PRPF8: variants seen among roughly 807,000 people sequenced by gnomAD.
PRPF8 encodes pre-mRNA-processing-splicing factor 8.
In PRPF8, 64 loss-of-function variants were observed where a neutral mutation model predicts 285.9. The ratio of observed to expected loss-of-function variants is 0.22; its 90% confidence interval spans 0.18 to 0.28. PRPF8 has a LOEUF of 0.28. PRPF8 is among the 10% of genes least tolerant of loss of function. The pLI is 1.00. For synonymous variants in PRPF8, 1,325 were observed against 1,118.2 expected (o/e 1.18, Z -3.69); for missense variants, 1,426 against 3,026.7 (o/e 0.47, Z 12.41).
chr17:1,653,015 G>C lies in PRPF8; in HGVS notation c.6369+527C>G. 4.5e-6 allele frequency: 1 copy of C among 219,994 alleles called. No homozygotes were observed. Among genetic ancestry groups the C allele is most frequent in the South Asian group, 6.6e-5 (1 of 15,110 alleles). 13.6% of individuals were successfully genotyped at this position (219,994 alleles called of 1,614,324 possible). On this transcript the variant is annotated intron_variant, in intron 39 of 42. Coordinates refer to ENST00000304992, the MANE Select transcript of PRPF8 (RefSeq NM_006445.4). This position sits in a 1 kb window ranked among gnomAD's most constrained non-coding sequence, Gnocchi z 4.9. ...GTGATGCAATCTTGGCTCACTGCAA[G>C]CTCCACCTCACCTCCCGGGTTCAAG...
At chr17:1,667,397 C>T (rs1912051726) in intron 24 of PRPF8, among the ~76,000 whole-genome samples, 1 of 151,998 alleles carries the variant, frequency 6.6e-6, no homozygotes, top group Admixed American at 6.6e-5. Flanking sequence ...AGCAGAAATT[C>T]CTGGGGGATA....
chr17:1,665,272 G>A (rs1911903351), intron 24 of PRPF8, among the ~76,000 whole-genome samples: 1 of 152,122 alleles, frequency 6.6e-6, no homozygotes, highest in Non-Finnish European at 1.5e-5. Flanking sequence ...AGGCACGGTG[G>A]CTCACCCCTG....
rs1471783012 is a variant in PRPF8, at chr17:1,684,764, AAC to A, written c.-12+14_-12+15del. On this transcript the variant is annotated intron_variant, in intron 1 of 42. Coordinates refer to ENST00000304992, the MANE Select transcript of PRPF8 (RefSeq NM_006445.4). ...CCACGCCTCCCGCAGCCCGGCCTTAAACGCCTGCCACGCACCCCACAGGCCCT... is the reference window on the plus strand; with the variant it reads ...CCACGCCTCCCGCAGCCCGGCCTTAAGCCTGCCACGCACCCCACAGGCCCT... 3 of 637,804 alleles carry A rather than the reference AAC, an allele frequency of 4.7e-6. No individual in the cohort carries two copies. Among genetic ancestry groups the A allele is most frequent in the Non-Finnish European group, 8.4e-6 (3 of 356,120 alleles). The allele number at this position is 637,804 out of a possible 1,614,324, so 39.5% of individuals were successfully genotyped here.
In PRPF8 at chr17:1,661,592, T is replaced by C. The variant is rs1279339161; in HGVS notation, c.4202+19A>G. Reference sequence around the variant, plus strand: ...CACTGCCCCTGCCCCAGGGTTGGCATGCCCTCCTAGGTGCCCACCTGTTCT... The same window carrying C: ...CACTGCCCCTGCCCCAGGGTTGGCACGCCCTCCTAGGTGCCCACCTGTTCT... On this transcript the variant is annotated intron_variant, in intron 26 of 42. Coordinates refer to ENST00000304992, the MANE Select transcript of PRPF8 (RefSeq NM_006445.4). The surrounding 1 kb of genome is among the most constrained non-coding windows in gnomAD (Gnocchi z 7.3). 44 of 1,612,514 alleles carry C rather than the reference T, an allele frequency of 2.7e-5. No homozygotes were observed. The highest frequency in any genetic ancestry group is 4.5e-5 in the East Asian group (2 of 44,886).
chr17:1,668,298 C>T (rs1402447372), intron 24 of PRPF8, among the ~76,000 whole-genome samples: 1 of 151,952 alleles, frequency 6.6e-6, no homozygotes, highest in South Asian at 2.1e-4. Flanking sequence ...AGGCCAATGG[C>T]CTCTTCTGCT....
chr17:1,673,932 T>G lies in PRPF8; in HGVS notation c.3300-40A>C. 1 of 1,606,522 alleles carries G rather than the reference T, an allele frequency of 6.2e-7. No homozygotes were observed. Among genetic ancestry groups the G allele is most frequent in the Non-Finnish European group, 8.5e-7 (1 of 1,179,838 alleles). ...GTACACTGCTGAGGCCCCAGTACAC[T>G]GAGATTTGGGACACCCACAAGTCCT... On this transcript the variant is annotated intron_variant, in intron 21 of 42. Coordinates refer to ENST00000304992, the MANE Select transcript of PRPF8 (RefSeq NM_006445.4). The surrounding 1 kb of genome is among the most constrained non-coding windows in gnomAD (Gnocchi z 5.5).
chr17:1,665,267 C>T (rs1224232214), intron 24 of PRPF8, among the ~76,000 whole-genome samples: 3 of 151,686 alleles, frequency 2.0e-5, no homozygotes, highest in East Asian at 1.9e-4. Context: ...TGGCCAGGCA[C>T]GGTGGCTCAC....
At chr17:1,669,489 CT>C (rs1326873748) in intron 24 of PRPF8, among the ~76,000 whole-genome samples, 2 of 152,172 alleles carry the variant, frequency 1.3e-5, no homozygotes, top group African/African-American at 4.8e-5. Context: ...TCAAAAACAC[CT>C]GCACTGACTT....
chr17:1,659,414 A>C lies in PRPF8; in HGVS notation c.5081T>G (p.Ile1694Ser), dbSNP rs768585160. The C allele has an allele frequency of 1.2e-6, 2 of 1,613,990 alleles. No individual in the cohort carries two copies. Among genetic ancestry groups the C allele is most frequent in the African/African-American group, 2.7e-5 (2 of 74,894 alleles). Residue 1694 changes from isoleucine to serine, a missense_variant, in exon 32 of 43, where the codon ATC (isoleucine) becomes AGC (serine). Ile to Ser is a moderately radical substitution (Grantham distance 142, BLOSUM62 -2). Around this residue, in one of 34 missense-constraint regions of PRPF8, gnomAD observed 74 missense variants for 161.8 expected, o/e 0.46. Coordinates refer to ENST00000304992, the MANE Select transcript of PRPF8 (RefSeq NM_006445.4). The surrounding 1 kb of genome is among the most constrained non-coding windows in gnomAD (Gnocchi z 5.1). The part of the protein sequence containing the change: ...FLDYTTDNMS[I>S]YPSPTGVLIA... Reference sequence around the variant, plus strand: ...GAGTACACCTGTGGGCGAAGGGTAGATACTCATGTTGTCGGTGGTGTAGTC... The same window carrying C: ...GAGTACACCTGTGGGCGAAGGGTAGCTACTCATGTTGTCGGTGGTGTAGTC...
In PRPF8 at chr17:1,677,547, A is replaced by G. The variant is rs1912670189; in HGVS notation, c.1984+18T>C. 1.2e-6 allele frequency: 2 copies of G among 1,614,062 alleles called. No homozygotes were observed. The highest frequency in any genetic ancestry group is 1.7e-6 in the Non-Finnish European group (2 of 1,179,994). ...GAAGCAATAACAGGAGAAGTTGGAC[A>G]CAGAGAAAACCACTCACCTTCAAAC... On this transcript the variant is annotated intron_variant, in intron 14 of 42. Coordinates refer to ENST00000304992, the MANE Select transcript of PRPF8 (RefSeq NM_006445.4).
chr17:1,659,454 G>A lies in PRPF8; in HGVS notation c.5041C>T (p.Arg1681Trp). Residue 1681 changes from arginine (R) to tryptophan (W), a missense_variant, in exon 32 of 43, where the codon CGG becomes TGG. Coordinates refer to ENST00000304992, the MANE Select transcript of PRPF8 (RefSeq NM_006445.4). This position sits in a 1 kb window ranked among gnomAD's most constrained non-coding sequence, Gnocchi z 5.1. ...GTGGTGTAGTCCAGGAACTTGGCCCGGGCGTAGCGCTCAATGTCGTGGGAA... is the reference window on the plus strand; with the variant it reads ...GTGGTGTAGTCCAGGAACTTGGCCCAGGCGTAGCGCTCAATGTCGTGGGAA... Reference protein sequence around the residue: ...YDSHDIERYARAKFLDYTTDN... With the variant: ...YDSHDIERYAWAKFLDYTTDN... 6.2e-7 allele frequency: 1 copy of A among 1,614,078 alleles called. No individual in the cohort carries two copies. Among genetic ancestry groups the A allele is most frequent in the Admixed American group, 1.7e-5 (1 of 59,996 alleles).
Position 1,679,170 on chromosome 17 carries a change from A to T in PRPF8, c.1446T>A (p.Phe482Leu). ...LFRSFKATKFFQSTKLDWVEV... is the reference protein window; with the variant it reads ...LFRSFKATKFLQSTKLDWVEV... ...CCACCCAGTCCAGCTTTGTGGACTG[A>T]AAGAATTTGGTGGCTTTGAAGGAGC... Residue 482 changes from phenylalanine (F) to leucine (L), a missense_variant, in exon 11 of 43, where the codon TTT (phenylalanine) becomes TTA (leucine). Transcript: ENST00000304992. This position sits in a 1 kb window ranked among gnomAD's most constrained non-coding sequence, Gnocchi z 4.7. 6.2e-7 allele frequency: 1 copy of T among 1,614,216 alleles called. No homozygotes were observed. The highest frequency in any genetic ancestry group is 8.5e-7 in the Non-Finnish European group (1 of 1,180,026).
At chr17:1,672,913 G>A (rs1011080707) in intron 24 of PRPF8, 168 bp downstream of exon 24, 31 of 698,806 alleles carry the variant, frequency 4.4e-5, no homozygotes, top group Non-Finnish European at 7.3e-5. Flanking sequence ...AGAAAATAAC[G>A]ATGAAGTGAC....
At chr17:1,677,299 C>A (rs1912654690) in intron 14 of PRPF8, 127 bp from the exon 15 acceptor site, 3 of 1,075,836 alleles carry the variant, frequency 2.8e-6, no homozygotes, top group Admixed American at 3.6e-5. Flanking sequence ...CGTCCCTGTG[C>A]CCAGCATATG....
At position 1,650,697 on chromosome 17, in the gene PRPF8, A is replaced by G; in HGVS notation, c.*105T>C. The G allele has an allele frequency of 7.3e-7, 1 of 1,364,772 alleles. No homozygotes were observed. The highest frequency in any genetic ancestry group is 1.0e-6 in the Non-Finnish European group (1 of 957,290). The allele number at this position is 1,364,772 out of a possible 1,614,324, so 84.5% of individuals were successfully genotyped here. On this transcript the variant is annotated 3_prime_UTR_variant, in exon 43 of 43. Transcript: ENST00000304992. ...CAAGCCATCAGGAGGTCAACAACAC[A>G]AGCACAGACAGAGGGAAAGAGGCCA... is the stretch of plus-strand genomic sequence containing the variant.
chr17:1,664,899 T>TTA (rs1324724975), intron 24 of PRPF8, among the ~76,000 whole-genome samples: 29 of 152,212 alleles, frequency 1.9e-4, no homozygotes, highest in South Asian at 6.2e-4. Flanking sequence ...GGCTCATATC[T>TTA]GTAAGCCCAG....
In PRPF8 at chr17:1,677,698, C is replaced by A. The variant is rs201225203; in HGVS notation, c.1855-4G>T. ...CAGGACCCTTCCCTACAGGGCCCTA[C>A]GATCCCAAGCAGAAGTTAAGAATAC... On this transcript the variant is annotated splice_region_variant and splice_polypyrimidine_tract_variant and intron_variant, in intron 13 of 42. Transcript: ENST00000304992. 1 of 1,613,660 alleles carries A rather than the reference C, an allele frequency of 6.2e-7. No individual in the cohort carries two copies. The highest frequency in any genetic ancestry group is 8.5e-7 in the Non-Finnish European group (1 of 1,179,992).
At position 1,676,781 on chromosome 17, in the gene PRPF8, C is replaced by A; in HGVS notation, c.2182-70G>T. On this transcript the variant is annotated intron_variant, in intron 15 of 42. Transcript: ENST00000304992. This position sits in a 1 kb window ranked among gnomAD's most constrained non-coding sequence, Gnocchi z 6.3. ...CTGTGGCACACATCTGTAGTCCCGG[C>A]TACTCAGGAGGCTAAGGAGGATCGC... 5.1e-6 allele frequency: 8 copies of A among 1,567,344 alleles called. No individual in the cohort carries two copies. The highest frequency in any genetic ancestry group is 7.0e-6 in the Non-Finnish European group (8 of 1,143,260).
intron 24 of PRPF8, among the ~76,000 whole-genome samples, chr17:1,672,742 C>T (rs1480304016): frequency 6.6e-6 from 1 of 152,092 alleles, no homozygotes; most frequent in Non-Finnish European, 1.5e-5. Context: ...TTCACAGGTT[C>T]TCTATGCCAC....
Sources: allele counts gnomAD v4.1 joint callset (sites outside exome capture counted in the v4.1 genomes callset), GRCh38; gene constraint gnomAD v4.1.1; regional missense constraint gnomAD v4.1.1; non-coding constraint Gnocchi (gnomAD v3.1); transcripts MANE v1.5; gene names NCBI Gene and HGNC (gene_info 2026-07-23, HGNC 2026-07-21).